MYO1D: variants seen among roughly 807,000 people sequenced by gnomAD.
The protein encoded by MYO1D is myosin ID, also known as unconventional myosin-Id.
Under a neutral mutation model 122.0 loss-of-function variants are expected in MYO1D, and 83 were observed. That is an observed-to-expected ratio of 0.68 (90% CI 0.57 to 0.82). The LOEUF (loss-of-function observed/expected upper bound fraction) is 0.82, where lower values mean the gene tolerates loss of function less well. Ranked by LOEUF, MYO1D falls within the 40% of genes least tolerant of loss-of-function variation. The pLI, the probability that MYO1D is intolerant of heterozygous loss-of-function variation, is 0.00. For synonymous variants in MYO1D, 464 were observed against 446.9 expected (o/e 1.04, Z -0.48); for missense variants, 1,157 against 1,269.5 (o/e 0.91, Z 1.35).
At chr17:32,558,897 C>T (rs139315941) in intron 21 of MYO1D, among the ~76,000 whole-genome samples, 28 of 152,314 alleles carry the variant, frequency 1.8e-4, no homozygotes, top group African/African-American at 6.7e-4. Flanking sequence ...TGAACCCTTC[C>T]ATGCCTCAGT....
At chr17:32,532,436 TAGA>T (rs1370137232) in intron 21 of MYO1D, among the ~76,000 whole-genome samples, 1 of 152,136 alleles carries the variant, frequency 6.6e-6, no homozygotes, top group African/African-American at 2.4e-5. Context: ...ATATTAAAAG[TAGA>T]AGAAGGGGCC....
intron 16 of MYO1D, among the ~76,000 whole-genome samples, chr17:32,673,482 A>AAATT (rs1467908343): frequency 2.0e-5 from 3 of 152,190 alleles, no homozygotes; most frequent in African/African-American, 7.2e-5. Context: ...ATCTGATTTA[A>AAATT]AATTTTGGCA....
chr17:32,616,575 G>A (rs988893940), intron 20 of MYO1D, among the ~76,000 whole-genome samples: 17 of 151,222 alleles, frequency 1.1e-4, no homozygotes, highest in Admixed American at 1.1e-3. Context: ...CTGCCTTGGC[G>A]TCCTTAAAGT....
At chr17:32,724,606 T>C (rs2089551016) in intron 14 of MYO1D, among the ~76,000 whole-genome samples, 1 of 152,154 alleles carries the variant, frequency 6.6e-6, no homozygotes, top group Admixed American at 6.5e-5. Flanking sequence ...AGATGGGATC[T>C]GAGTAGTGAT....
chr17:32,611,831 T>A (rs928239137), intron 20 of MYO1D, among the ~76,000 whole-genome samples: 1 of 152,204 alleles, frequency 6.6e-6, no homozygotes, highest in African/African-American at 2.4e-5. Context: ...GAAGCGAGAC[T>A]CCGTCTCAAA....
chr17:32,601,183 G>A (rs2087558363), intron 21 of MYO1D, among the ~76,000 whole-genome samples: 1 of 151,930 alleles, frequency 6.6e-6, no homozygotes, highest in Non-Finnish European at 1.5e-5. Context: ...CAATCCTCCC[G>A]CTTTAACTTC....
chr17:32,560,691 C>G (rs577935467), intron 21 of MYO1D, among the ~76,000 whole-genome samples: 1 of 150,462 alleles, frequency 6.6e-6, no homozygotes, highest in South Asian at 2.1e-4. Flanking sequence ...AAAATCTCAA[C>G]TCTCTGCAAC....
intron 1 of MYO1D, among the ~76,000 whole-genome samples, chr17:32,791,509 T>C (rs1186121736): frequency 6.6e-6 from 1 of 152,130 alleles, no homozygotes; most frequent in Non-Finnish European, 1.5e-5. Flanking sequence ...AGAAGATCCT[T>C]GTTCTTAAGA....
chr17:32,566,450 TGAG>T (rs1265653179), intron 21 of MYO1D, among the ~76,000 whole-genome samples: 1 of 151,900 alleles, frequency 6.6e-6, no homozygotes, highest in Non-Finnish European at 1.5e-5. Flanking sequence ...GGGCTTTCCT[TGAG>T]GAAGCCAAGG....
intron 21 of MYO1D, among the ~76,000 whole-genome samples, chr17:32,590,751 G>A (rs2087431918): frequency 2.0e-5 from 3 of 152,134 alleles, no homozygotes; most frequent in Admixed American, 1.3e-4. Flanking sequence ...AAGTTAAAGA[G>A]TTATATCTGA....
chr17:32,520,933 G>C (rs1424172761), intron 21 of MYO1D, among the ~76,000 whole-genome samples: 1 of 152,204 alleles, frequency 6.6e-6, no homozygotes, highest in Admixed American at 6.5e-5. Context: ...GAATGGCAGG[G>C]GGTGGAAATC....
At chr17:32,714,245 AGT>A (rs1306883415) in intron 15 of MYO1D, among the ~76,000 whole-genome samples, 2 of 94,084 alleles carry the variant, frequency 2.1e-5, no homozygotes, top group South Asian at 3.3e-4. Context: ...AACAGGCCCC[AGT>A]GTGTGTTATT....
chr17:32,871,349 C>A (rs1229654063), intron 1 of MYO1D, among the ~76,000 whole-genome samples: 1 of 152,138 alleles, frequency 6.6e-6, no homozygotes, highest in Non-Finnish European at 1.5e-5. Flanking sequence ...ACAGCCCCTA[C>A]AACAAAGTCT....
chr17:32,705,448 A>G (rs2089294620), intron 16 of MYO1D, among the ~76,000 whole-genome samples: 1 of 151,640 alleles, frequency 6.6e-6, no homozygotes, highest in Admixed American at 6.6e-5. Flanking sequence ...TTTTTTTAGT[A>G]GAGACGGGGT....
intron 16 of MYO1D, among the ~76,000 whole-genome samples, chr17:32,682,787 C>G (rs1282889344): frequency 8.4e-6 from 1 of 119,750 alleles, no homozygotes; most frequent in Non-Finnish European, 1.7e-5. Context: ...TGAATCTGAA[C>G]GTTGGCCTGC....
intron 21 of MYO1D, among the ~76,000 whole-genome samples, chr17:32,603,088 C>T (rs2087581474): frequency 6.7e-6 from 1 of 148,920 alleles, no homozygotes; most frequent in Admixed American, 6.7e-5. Context: ...AAAAATCCAC[C>T]AAAAAATTCC....
rs2089260249 is a variant in MYO1D at position 32,702,486 on chromosome 17, T to TC, written c.2121+9501dup. 3.3e-5 allele frequency among the ~76,000 whole-genome samples: 5 copies of TC among 152,300 alleles called. No homozygotes were observed. The South Asian group carries it at 1.0e-3, about 32-fold the overall frequency. ...ATTTCACTAGCTTGAGGCTTTTTTT[T>TC]CCCTGTTCTTGGCTTTATCTTTTTC... On this transcript the variant is annotated intron_variant, in intron 16 of 21. Transcript: ENST00000318217.
At chr17:32,655,163 C>T (rs980723240) in intron 17 of MYO1D, among the ~76,000 whole-genome samples, 3 of 152,176 alleles carry the variant, frequency 2.0e-5, no homozygotes, top group African/African-American at 7.2e-5. Context: ...GCAACTAGAA[C>T]TTAGTGATAC....
intron 1 of MYO1D, among the ~76,000 whole-genome samples, chr17:32,817,690 C>T (rs1311256407): frequency 6.6e-6 from 1 of 152,164 alleles, no homozygotes; most frequent in Non-Finnish European, 1.5e-5. Context: ...ATAGTAATAG[C>T]CAACACTCAC....
Sources: gnomAD v4.1 joint callset for allele counts (sites outside exome capture counted in the v4.1 genomes callset) on GRCh38, gnomAD v4.1.1 for gene constraint, MANE v1.5 for transcripts, NCBI Gene and HGNC (gene_info 2026-07-23, HGNC 2026-07-21) for gene names.